The following EXOC6B variants were observed in gnomAD, a reference collection of about 807,000 sequenced individuals.
The protein encoded by EXOC6B is SEC15 homolog B.
EXOC6B carries 54 observed loss-of-function variants against 113.5 expected under a neutral mutation model. That is an observed-to-expected ratio of 0.48 (90% confidence interval 0.38 to 0.60). The LOEUF is 0.60. EXOC6B is among the 20% of genes least tolerant of loss of function. EXOC6B has a pLI of 0.00. For missense variants in EXOC6B, 797 were observed against 977.5 expected (o/e 0.82, Z 2.46); for synonymous variants, 357 against 339.0 (o/e 1.05, Z -0.58).
At chr2:72,328,329 G>A (rs1216358359) in intron 20 of EXOC6B, among the ~76,000 whole-genome samples, 10 of 151,816 alleles carry the variant, frequency 6.6e-5, no homozygotes, top group African/African-American at 1.5e-4. Flanking sequence ...GTGTATCTGC[G>A]TACAGCAGAG....
intron 20 of EXOC6B, among the ~76,000 whole-genome samples, chr2:72,299,842 C>T (rs1037196854): frequency 5.3e-5 from 8 of 152,170 alleles, no homozygotes; most frequent in African/African-American, 1.9e-4. Context: ...ACTCCAGACC[C>T]TGTTTGCCTG....
chr2:72,556,548 CTT>C (rs935941982), intron 8 of EXOC6B, among the ~76,000 whole-genome samples: 55 of 152,260 alleles, frequency 3.6e-4, no homozygotes, highest in African/African-American at 1.3e-3. Context: ...ACAAAAGTGT[CTT>C]AAACTTGATG....
chr2:72,776,741 A>G lies in EXOC6B; in HGVS notation c.114-35272T>C, dbSNP rs187899334. Among the ~76,000 whole-genome samples the G allele has an allele frequency of 2.3e-3, 352 of 152,346 alleles. 1 individual carries two copies. The highest frequency in any genetic ancestry group is 7.9e-3 in the African/African-American group (330 of 41,588). ...AAGATGAATATCTGGGACATAATACATATATAACATACAATATATAACAGT... is the reference window on the plus strand; with the variant it reads ...AAGATGAATATCTGGGACATAATACGTATATAACATACAATATATAACAGT... On this transcript the variant is annotated intron_variant, in intron 1 of 21. Coordinates refer to ENST00000272427, the MANE Select transcript of EXOC6B (RefSeq NM_015189.3).
At chr2:72,456,789 T>C (rs1188528529) in intron 18 of EXOC6B, among the ~76,000 whole-genome samples, 1 of 152,136 alleles carries the variant, frequency 6.6e-6, no homozygotes. Context: ...TTGTCTCCTT[T>C]CCTGAATAAA....
In EXOC6B at chr2:72,431,168, C is replaced by T. The variant is rs541063894; in HGVS notation, c.1980+33992G>A. Reference sequence around the variant, plus strand: ...CATTTTTAAGTATTATAATTTTTAGCGTTTAATACTTAGTGTTTAAATATT... The same window carrying T: ...CATTTTTAAGTATTATAATTTTTAGTGTTTAATACTTAGTGTTTAAATATT... On this transcript the variant is annotated intron_variant, in intron 18 of 21. Transcript: ENST00000272427. Among the ~76,000 whole-genome samples, 15 of 152,172 alleles carry T rather than the reference C, an allele frequency of 9.9e-5. No individual in the cohort carries two copies. The South Asian group carries it at 1.2e-3, about 13-fold the overall frequency.
intron 20 of EXOC6B, among the ~76,000 whole-genome samples, chr2:72,248,023 C>T (rs1682776503): frequency 6.6e-6 from 1 of 152,162 alleles, no homozygotes; most frequent in Non-Finnish European, 1.5e-5. Flanking sequence ...ACAACCAAAT[C>T]TCAGAGAGTG....
chr2:72,718,494 A>G (rs1417054553), intron 5 of EXOC6B, among the ~76,000 whole-genome samples, 187 bp from the exon 6 acceptor site: 1 of 152,212 alleles, frequency 6.6e-6, no homozygotes, highest in African/African-American at 2.4e-5. Context: ...GGAAATTATA[A>G]TCAAAAAAAG....
At chr2:72,677,318 C>G (rs540463312) in intron 6 of EXOC6B, among the ~76,000 whole-genome samples, 98 of 151,988 alleles carry the variant, frequency 6.4e-4, no homozygotes, top group African/African-American at 2.2e-3. Flanking sequence ...ATCCCTTGAG[C>G]CCAGGAGTTC....
At chr2:72,314,857 C>T (rs1687417956) in intron 20 of EXOC6B, among the ~76,000 whole-genome samples, 1 of 152,152 alleles carries the variant, frequency 6.6e-6, no homozygotes. Context: ...CAAATCCTTA[C>T]TGAAGGCCTA....
chr2:72,645,429 A>G (rs1166615946), intron 6 of EXOC6B, among the ~76,000 whole-genome samples: 4 of 152,184 alleles, frequency 2.6e-5, no homozygotes, highest in African/African-American at 9.7e-5. Flanking sequence ...TCAGCTCTGC[A>G]CCAAGCAGAC....
chr2:72,770,930 T>C (rs1408829520), intron 1 of EXOC6B, among the ~76,000 whole-genome samples: 4 of 152,178 alleles, frequency 2.6e-5, no homozygotes, highest in Admixed American at 6.5e-5. Flanking sequence ...TTCATGGTAG[T>C]GTCTTCCCCC....
At chr2:72,682,576 A>C (rs1676788743) in intron 6 of EXOC6B, among the ~76,000 whole-genome samples, 2 of 152,184 alleles carry the variant, frequency 1.3e-5, no homozygotes, top group South Asian at 2.1e-4. Context: ...ATAAACCATC[A>C]GAGTGACCAT....
chr2:72,513,641 T>C (rs921478207), intron 10 of EXOC6B, among the ~76,000 whole-genome samples: 1 of 151,822 alleles, frequency 6.6e-6, no homozygotes, highest in South Asian at 2.1e-4. Context: ...AAAGCTAATA[T>C]ATACATCATA....
intron 18 of EXOC6B, among the ~76,000 whole-genome samples, chr2:72,398,931 A>T (rs1261789241): frequency 6.6e-6 from 1 of 152,050 alleles, no homozygotes; most frequent in African/African-American, 2.4e-5. Context: ...TAAAACAATA[A>T]AAAGAAAATA....
intron 1 of EXOC6B, among the ~76,000 whole-genome samples, chr2:72,823,323 T>A (rs1686683257): frequency 6.6e-6 from 1 of 150,998 alleles, no homozygotes; most frequent in Non-Finnish European, 1.5e-5. Context: ...AAACCCCACT[T>A]TTCAGTGAAA....
chr2:72,656,586 T>C lies in EXOC6B; in HGVS notation c.669+61517A>G, dbSNP rs1206958075. On this transcript the variant is annotated intron_variant, in intron 6 of 21. Transcript: ENST00000272427. ...CCTTTTTATTTTAGAAAAAGTTTAT[T>C]TGAAAAACACAGCTAACCAACAGAC... 3.9e-5 allele frequency among the ~76,000 whole-genome samples: 6 copies of C among 152,144 alleles called. No homozygotes were observed. The East Asian group carries it at 9.6e-4, about 24-fold the overall frequency.
chr2:72,326,057 A>C (rs533368338), intron 20 of EXOC6B, among the ~76,000 whole-genome samples: 3 of 152,182 alleles, frequency 2.0e-5, no homozygotes, highest in Non-Finnish European at 4.4e-5. Context: ...AGTAGAATGC[A>C]GTAGTTAGAA....
intron 6 of EXOC6B, among the ~76,000 whole-genome samples, chr2:72,688,379 T>G (rs1403538097): frequency 6.6e-6 from 1 of 152,054 alleles, no homozygotes; most frequent in Non-Finnish European, 1.5e-5. Context: ...ATCAAGCAAG[T>G]TAGGTCAACT....
chr2:72,374,590 C>T (rs937526868), intron 19 of EXOC6B, among the ~76,000 whole-genome samples: 8 of 151,466 alleles, frequency 5.3e-5, no homozygotes, highest in Non-Finnish European at 8.8e-5. Flanking sequence ...TTAATGAGTA[C>T]AAAATAGTTA....
Sources: allele counts gnomAD v4.1 joint callset (sites outside exome capture counted in the v4.1 genomes callset), GRCh38; gene constraint gnomAD v4.1.1; transcripts MANE v1.5; gene names NCBI Gene and HGNC (gene_info 2026-07-23, HGNC 2026-07-21).